TENM1: variants seen among roughly 807,000 people sequenced by gnomAD.
TENM1 encodes teneurin transmembrane protein 1.
Under a neutral mutation model 174.8 loss-of-function variants are expected in TENM1, and 35 were observed. That is an observed-to-expected ratio of 0.20 (90% CI 0.15 to 0.27). The LOEUF (loss-of-function observed/expected upper bound fraction) is 0.27. Ranked by LOEUF, TENM1 falls within the 10% of genes least tolerant of loss-of-function variation. TENM1 has a pLI of 1.00. For synonymous variants in TENM1, 781 were observed against 798.7 expected (o/e 0.98, Z 0.37); for missense variants, 1,633 against 2,130.1 (o/e 0.77, Z 4.59).
intron 3 of TENM1, among the ~76,000 whole-genome samples, chrX:124,875,174 T>C (rs1458235237): frequency 9.0e-6 from 1 of 111,515 alleles, no homozygotes; most frequent in Non-Finnish European, 1.9e-5. Context: ...TACTTATTTA[T>C]GTTCTTTTCT....
chrX:124,828,386 T>C (rs914322361), intron 3 of TENM1, among the ~76,000 whole-genome samples: 2 of 112,553 alleles, frequency 1.8e-5, no homozygotes, highest in African/African-American at 3.2e-5. Context: ...ACTCCTAGTA[T>C]AGTTGTTATT....
At chrX:124,459,007 C>A (rs1416475176) in intron 22 of TENM1, among the ~76,000 whole-genome samples, 2 of 112,152 alleles carry the variant, frequency 1.8e-5, no homozygotes, top group African/African-American at 3.2e-5. Context: ...CATGGCGTTG[C>A]TCTTAGAAAG....
At chrX:124,515,030 T>C (rs1045364062) in intron 18 of TENM1, among the ~76,000 whole-genome samples, 1 of 111,703 alleles carries the variant, frequency 9.0e-6, no homozygotes, top group Admixed American at 9.5e-5. Context: ...CCCTGGGATG[T>C]AAAGTTGGTT....
At chrX:124,970,103 G>A in the TENM1 span, among the ~76,000 whole-genome samples, 1 of 111,550 alleles carries the variant, frequency 9.0e-6, no homozygotes, top group African/African-American at 3.3e-5. Flanking sequence ...ATGGACCTGA[G>A]TATATATCTA....
exon 15 of TENM1, chrX:124,546,970 G>C (rs1283013253): frequency 1.7e-6 from 2 of 1,209,705 alleles, no homozygotes; most frequent in African/African-American, 3.5e-5. Flanking sequence ...AGTGTGCTGA[G>C]AGAAGAGAGT....
At chrX:124,489,156 C>G (rs1407015474) in intron 20 of TENM1, among the ~76,000 whole-genome samples, 1 of 112,755 alleles carries the variant, frequency 8.9e-6, no homozygotes, top group Non-Finnish European at 1.9e-5. Flanking sequence ...GAGCTCTTCA[C>G]AAGGGCCTGG....
chrX:124,410,003 G>C (rs1475431173), intron 25 of TENM1, among the ~76,000 whole-genome samples: 18 of 109,374 alleles, frequency 1.6e-4, no homozygotes, highest in African/African-American at 3.3e-4. Context: ...TTTCTTCACA[G>C]AATTGGAAAA....
the TENM1 span, among the ~76,000 whole-genome samples, chrX:125,059,673 T>C: frequency 1.8e-5 from 2 of 111,607 alleles, no homozygotes; most frequent in African/African-American, 6.5e-5. Context: ...ATTTTTCTTT[T>C]TAGATTCCAC....
the TENM1 span, among the ~76,000 whole-genome samples, chrX:125,087,547 G>T: frequency 9.0e-6 from 1 of 111,208 alleles, no homozygotes; most frequent in East Asian, 2.8e-4. Flanking sequence ...TGTCTGATCA[G>T]CTGTGATCTT....
intron 3 of TENM1, among the ~76,000 whole-genome samples, chrX:124,831,964 G>C (rs759630160): frequency 2.7e-5 from 3 of 111,438 alleles, no homozygotes; most frequent in Non-Finnish European, 5.6e-5. Context: ...GTACCTCTCG[G>C]CTGCTCTAGG....
At chrX:125,047,043 G>C in the TENM1 span, among the ~76,000 whole-genome samples, 2 of 111,019 alleles carry the variant, frequency 1.8e-5, no homozygotes, top group East Asian at 2.9e-4. Context: ...AAAGTTTCCT[G>C]TTTAGTAGAT....
At chrX:124,775,815 A>G (rs1183604884) in intron 3 of TENM1, among the ~76,000 whole-genome samples, 1 of 111,996 alleles carries the variant, frequency 8.9e-6, no homozygotes, top group Non-Finnish European at 1.9e-5. Flanking sequence ...CACGGGTTGG[A>G]ACCCTGCAGG....
At chrX:125,145,026 G>T in the TENM1 span, among the ~76,000 whole-genome samples, 4 of 111,442 alleles carry the variant, frequency 3.6e-5, no homozygotes, top group Non-Finnish European at 7.5e-5. Flanking sequence ...AGGATTACAG[G>T]CGTGAGCCAC....
the TENM1 span, among the ~76,000 whole-genome samples, chrX:125,052,526 T>C: frequency 9.0e-6 from 1 of 111,544 alleles, no homozygotes; most frequent in African/African-American, 3.3e-5. Context: ...GCTTACCCTC[T>C]TGTGGGAGAA....
At chrX:124,437,750 T>C (rs2060858864) in intron 23 of TENM1, among the ~76,000 whole-genome samples, 1 of 112,188 alleles carries the variant, frequency 8.9e-6, no homozygotes, top group Non-Finnish European at 1.9e-5. Flanking sequence ...AATCCTCTTC[T>C]CATTGATTTG....
the TENM1 span, among the ~76,000 whole-genome samples, chrX:124,997,022 A>C: frequency 6.3e-5 from 7 of 111,686 alleles, no homozygotes; most frequent in Non-Finnish European, 1.3e-4. Context: ...CAGCTTGACT[A>C]AAGTACAATG....
At chrX:124,966,756 T>C (rs1306331545), upstream of TENM1, among the ~76,000 whole-genome samples, 2 of 112,163 alleles carry the variant, frequency 1.8e-5, no homozygotes, top group African/African-American at 6.5e-5. Flanking sequence ...ATTTTTTATT[T>C]ATTTGCTTAT....
chrX:124,875,963 T>TTATATATATA (rs771315006), intron 3 of TENM1, among the ~76,000 whole-genome samples: 285 of 105,492 alleles, frequency 2.7e-3, no homozygotes, highest in African/African-American at 9.4e-3. Flanking sequence ...TTCTAAGAAA[T>TTATATATATA]TATATATATA....
chrX:124,534,341 T>C (rs1431749982), intron 15 of TENM1, among the ~76,000 whole-genome samples: 1 of 111,909 alleles, frequency 8.9e-6, no homozygotes, highest in Non-Finnish European at 1.9e-5. Flanking sequence ...AAATTATCCC[T>C]AGCCTTCAAT....
Sources: allele counts gnomAD v4.1 joint callset (sites outside exome capture counted in the v4.1 genomes callset), GRCh38; gene constraint gnomAD v4.1.1; transcripts MANE v1.5; gene names NCBI Gene and HGNC (gene_info 2026-07-23, HGNC 2026-07-21).